CLVS1: variants seen among roughly 807,000 people sequenced by gnomAD.
The protein encoded by CLVS1 is clavesin-1.
A neutral mutation model predicts 33.1 loss-of-function variants in CLVS1; 10 were observed. The observed-to-expected ratio is 0.30, with a 90% CI of 0.19 to 0.51. CLVS1 has a LOEUF of 0.51. CLVS1 is among the 20% of genes least tolerant of loss of function. The pLI, the probability that CLVS1 is intolerant of heterozygous loss-of-function variation, is 0.97. For missense variants in CLVS1, 343 were observed against 433.4 expected (o/e 0.79, Z 1.85); for synonymous variants, 163 against 166.1 (o/e 0.98, Z 0.14).
intron 2 of CLVS1, among the ~76,000 whole-genome samples, chr8:61,233,076 A>G (rs937798812): frequency 2.0e-5 from 3 of 152,272 alleles, no homozygotes; most frequent in African/African-American, 7.2e-5. Context: ...TATTAATCAA[A>G]TGACAAACAC....
chr8:61,343,144 C>T (rs1026185758), intron 2 of CLVS1, among the ~76,000 whole-genome samples: 7 of 152,222 alleles, frequency 4.6e-5, no homozygotes, highest in African/African-American at 1.7e-4. Context: ...GCTGGTACAG[C>T]ATGATTCTGT....
chr8:61,053,450 G>A (rs957497211), upstream of CLVS1, among the ~76,000 whole-genome samples: 2 of 152,204 alleles, frequency 1.3e-5, no homozygotes, highest in Admixed American at 1.3e-4. Flanking sequence ...GGAGGAGGGA[G>A]TGGTTATCCA....
chr8:61,294,209 C>G (rs902897541), intron 1 of CLVS1, among the ~76,000 whole-genome samples: 2 of 152,086 alleles, frequency 1.3e-5, no homozygotes, highest in Non-Finnish European at 2.9e-5. Context: ...AAGGCACCTA[C>G]TTGGAGAGCA....
the CLVS1 span, among the ~76,000 whole-genome samples, chr8:60,995,587 T>G: frequency 0.013 from 1,921 of 152,292 alleles, 38 homozygotes; most frequent in African/African-American, 0.043. Context: ...GTTCAACCAT[T>G]GTGGAAGTCA....
intron 2 of CLVS1, among the ~76,000 whole-genome samples, chr8:61,330,030 A>T (rs762483318): frequency 1.1e-4 from 17 of 152,114 alleles, no homozygotes; most frequent in Non-Finnish European, 2.2e-4. Context: ...GGAGGGAGAC[A>T]TGCCCACCTG....
chr8:61,208,068 C>T (rs1044697715), intron 2 of CLVS1, among the ~76,000 whole-genome samples: 1 of 152,186 alleles, frequency 6.6e-6, no homozygotes, highest in African/African-American at 2.4e-5. Flanking sequence ...ATTGTCATCA[C>T]CTTTTCTCAA....
intron 2 of CLVS1, among the ~76,000 whole-genome samples, chr8:61,224,776 A>T (rs1808292760): frequency 6.6e-6 from 1 of 152,214 alleles, no homozygotes; most frequent in Non-Finnish European, 1.5e-5. Flanking sequence ...TGGTAAAGGA[A>T]TCGATTCAAC....
rs77185821 is a variant in CLVS1 at position 61,129,577 on chromosome 8, T to A, written c.-242-2193T>A. ...TTTATTTATTTTTATTTCTAGAGGC[T>A]GGGAAGTCCAAGATCAAGGAATTGA... On this transcript the variant is annotated intron_variant, in intron 1 of 2. Coordinates refer to the CLVS1 transcript ENST00000522621. Among the ~76,000 whole-genome samples the A allele has an allele frequency of 9.8e-3, 1,498 of 152,348 alleles. 21 individuals carry two copies. Among genetic ancestry groups the A allele is most frequent in the African/African-American group, 0.034 (1,423 of 41,562 alleles).
At chr8:61,212,723 T>G (rs1442272626) in intron 2 of CLVS1, among the ~76,000 whole-genome samples, 3 of 151,784 alleles carry the variant, frequency 2.0e-5, no homozygotes, top group South Asian at 2.1e-4. Flanking sequence ...GTGAATAAGG[T>G]GAAGTTCTAG....
intron 3 of CLVS1, among the ~76,000 whole-genome samples, chr8:61,409,217 A>G (rs1422779371): frequency 6.6e-6 from 1 of 152,228 alleles, no homozygotes; most frequent in Non-Finnish European, 1.5e-5. Flanking sequence ...AAATGATATA[A>G]AGAGGTAGTC....
At chr8:61,266,233 C>G (rs1002540071) in intron 2 of CLVS1, among the ~76,000 whole-genome samples, 1 of 152,008 alleles carries the variant, frequency 6.6e-6, no homozygotes, top group Admixed American at 6.6e-5. Context: ...ATAAGATTAA[C>G]AGATGACCTC....
At chr8:61,242,784 C>A (rs561755528) in intron 2 of CLVS1, among the ~76,000 whole-genome samples, 32 of 148,438 alleles carry the variant, frequency 2.2e-4, no homozygotes, top group African/African-American at 8.1e-4. Context: ...CAGAGCAGGA[C>A]CCTGCCTCAA....
chr8:61,392,851 C>A (rs1403540862), intron 3 of CLVS1, among the ~76,000 whole-genome samples: 13 of 149,846 alleles, frequency 8.7e-5, no homozygotes, highest in African/African-American at 3.0e-4. Flanking sequence ...TCAAAAAAAA[C>A]ATATATTTTA....
the CLVS1 span, among the ~76,000 whole-genome samples, chr8:61,009,240 C>T: frequency 6.6e-6 from 1 of 151,980 alleles, no homozygotes; most frequent in Non-Finnish European, 1.5e-5. Flanking sequence ...CCTCGCCCTC[C>T]CAGGCTCAAG....
chr8:61,412,698 C>T (rs1415319115), intron 3 of CLVS1, among the ~76,000 whole-genome samples: 1 of 152,180 alleles, frequency 6.6e-6, no homozygotes, highest in East Asian at 1.9e-4. Context: ...AGCAGACACA[C>T]GTGTTCCAGG....
intron 2 of CLVS1, chr8:61,202,690 C>G: frequency 6.5e-7 from 1 of 1,548,982 alleles, no homozygotes. Flanking sequence ...TATTAGTGGA[C>G]AGCACTTAGT....
chr8:61,118,158 G>A lies in CLVS1; in HGVS notation c.-242-13612G>A, dbSNP rs566293430. The stretch of plus-strand genomic sequence containing the variant: ...CTTCTAGATTTTCTAGTTTATTTGC[G>A]TAGAGGTGTTTGTAGTATTCTCTGA... On this transcript the variant is annotated intron_variant, in intron 1 of 2. Coordinates refer to the CLVS1 transcript ENST00000522621. Among the ~76,000 whole-genome samples, 376 of 151,548 alleles carry A rather than the reference G, an allele frequency of 2.5e-3. 2 individuals carry two copies. Among genetic ancestry groups the A allele is most frequent in the African/African-American group, 7.3e-3 (302 of 41,416 alleles).
intron 1 of CLVS1, among the ~76,000 whole-genome samples, chr8:61,118,905 G>A (rs1805799509): frequency 6.6e-6 from 1 of 152,250 alleles, no homozygotes; most frequent in African/African-American, 2.4e-5. Context: ...GTGCAGAGCT[G>A]AGTTCAATTC....
chr8:61,212,301 C>T (rs746550644), intron 2 of CLVS1, among the ~76,000 whole-genome samples: 4 of 152,132 alleles, frequency 2.6e-5, no homozygotes, highest in South Asian at 2.1e-4. Context: ...GCGGATCAAA[C>T]GGCAACAGAG....
Sources: gnomAD v4.1 joint callset for allele counts (sites outside exome capture counted in the v4.1 genomes callset) on GRCh38, gnomAD v4.1.1 for gene constraint, MANE v1.5 for transcripts, NCBI Gene and HGNC (gene_info 2026-07-23, HGNC 2026-07-21) for gene names.